The following ZNF723 variants were observed in gnomAD, a reference collection of about 807,000 sequenced individuals.
ZNF723 encodes the protein zinc finger protein 723, pseudogene.
ZNF723 carries 5 observed loss-of-function variants against 9.4 expected under a neutral mutation model. The observed-to-expected ratio is 0.53, with a 90% CI of 0.28 to 1.12. The LOEUF (loss-of-function observed/expected upper bound fraction) is 1.12, where lower values mean the gene tolerates loss of function less well. Ranked by LOEUF, ZNF723 falls within the 50% of genes most tolerant of loss-of-function variation. The pLI, the probability that ZNF723 is intolerant of heterozygous loss-of-function variation, is 0.10. For missense variants in ZNF723, 450 were observed against 501.5 expected (o/e 0.90, Z 0.98); for synonymous variants, 158 against 168.8 (o/e 0.94, Z 0.49).
chr19:22,856,622 C>T (rs1188527801), intron 3 of ZNF723, among the ~76,000 whole-genome samples: 1 of 152,178 alleles, frequency 6.6e-6, no homozygotes, highest in Non-Finnish European at 1.5e-5. Flanking sequence ...TTCTCTGCTG[C>T]TGTAACATTT....
chr19:22,842,795 T>C (rs1257931214), intron 1 of ZNF723, among the ~76,000 whole-genome samples: 1 of 152,156 alleles, frequency 6.6e-6, no homozygotes, highest in Admixed American at 6.6e-5. Flanking sequence ...TAAGGTCTGT[T>C]CTCTTCCTGG....
At chr19:22,822,990 T>C in the ZNF723 span, among the ~76,000 whole-genome samples, 14 of 152,190 alleles carry the variant, frequency 9.2e-5, no homozygotes, top group Admixed American at 7.9e-4. Context: ...ACAGTTGAAA[T>C]TGTGACTGTT....
At chr19:22,824,390 A>T in the ZNF723 span, among the ~76,000 whole-genome samples, 1 of 152,010 alleles carries the variant, frequency 6.6e-6, no homozygotes, top group African/African-American at 2.4e-5. Context: ...CCTAGCATCC[A>T]AGTGATGTGA....
At chr19:22,827,157 G>A in the ZNF723 span, among the ~76,000 whole-genome samples, 2 of 152,286 alleles carry the variant, frequency 1.3e-5, no homozygotes, top group Admixed American at 6.5e-5. Flanking sequence ...TTACACAATA[G>A]GTATTAAATG....
At chr19:22,852,747 G>GGTATTGA (rs1435819525) in intron 3 of ZNF723, among the ~76,000 whole-genome samples, 2 of 152,044 alleles carry the variant, frequency 1.3e-5, no homozygotes, top group African/African-American at 4.8e-5. Flanking sequence ...ACAATGCTAT[G>GGTATTGA]CAACATATCC....
At chr19:22,845,130 A>G (rs1050254934) in intron 1 of ZNF723, among the ~76,000 whole-genome samples, 1 of 152,162 alleles carries the variant, frequency 6.6e-6, no homozygotes, top group African/African-American at 2.4e-5. Flanking sequence ...AAAACAAAAC[A>G]AAAACACTCA....
the ZNF723 span, among the ~76,000 whole-genome samples, chr19:22,826,221 T>TGTG: frequency 6.6e-6 from 1 of 152,220 alleles, no homozygotes; most frequent in South Asian, 2.1e-4. Context: ...ATAGGGGAAC[T>TGTG]GTGACATATT....
chr19:22,839,694 C>T (rs750564244), intron 1 of ZNF723, among the ~76,000 whole-genome samples: 4 of 152,096 alleles, frequency 2.6e-5, no homozygotes, highest in East Asian at 1.9e-4. Context: ...AGGCTGCTCT[C>T]GAACTCCCGG....
chr19:22,817,845 G>A, the ZNF723 span, among the ~76,000 whole-genome samples: 1 of 151,994 alleles, frequency 6.6e-6, no homozygotes, highest in Non-Finnish European at 1.5e-5. Context: ...GTCATATAAC[G>A]CCTTTGGGTG....
rs146522052 is a variant in ZNF723, at chr19:22,837,095, C to G, written c.3+4713C>G. Among the ~76,000 whole-genome samples, 3 of 151,836 alleles carry G rather than the reference C, an allele frequency of 2.0e-5. No individual in the cohort carries two copies. The South Asian group carries it at 6.2e-4, about 32-fold the overall frequency. ...ATCCCTTGAAGTCAGGAATTCAAGA[C>G]GAGCCTGGCCAACATGGTGAAACCC... On this transcript the variant is annotated intron_variant, in intron 1 of 3. Transcript: ENST00000600766.
the ZNF723 span, among the ~76,000 whole-genome samples, chr19:22,826,766 C>T: frequency 7.4e-3 from 1,130 of 152,132 alleles, 13 homozygotes; most frequent in African/African-American, 0.026. Flanking sequence ...AATGGCTCTA[C>T]GAACAACAGA....
At chr19:22,829,798 A>G (rs1278110539), upstream of ZNF723, among the ~76,000 whole-genome samples, 3 of 152,214 alleles carry the variant, frequency 2.0e-5, no homozygotes, top group Non-Finnish European at 4.4e-5. Flanking sequence ...TTCTTGTACC[A>G]GCCACATTGT....
At chr19:22,825,808 C>T in the ZNF723 span, among the ~76,000 whole-genome samples, 1 of 152,204 alleles carries the variant, frequency 6.6e-6, no homozygotes, top group African/African-American at 2.4e-5. Flanking sequence ...CAGTGCCCAA[C>T]ATTATGATAA....
chr19:22,822,724 T>C, the ZNF723 span, among the ~76,000 whole-genome samples: 1 of 152,016 alleles, frequency 6.6e-6, no homozygotes, highest in Non-Finnish European at 1.5e-5. Context: ...TAGCTGGGTG[T>C]GGTGGTGGGT....
intron 3 of ZNF723, among the ~76,000 whole-genome samples, chr19:22,851,438 C>T (rs1238013121): frequency 6.6e-6 from 1 of 152,070 alleles, no homozygotes; most frequent in Non-Finnish European, 1.5e-5. Context: ...TCCTAAAGTG[C>T]TGGGATTACA....
chr19:22,833,644 C>T (rs1463929219), intron 1 of ZNF723, among the ~76,000 whole-genome samples: 1 of 151,920 alleles, frequency 6.6e-6, no homozygotes, highest in Non-Finnish European at 1.5e-5. Flanking sequence ...GAGTCTCACT[C>T]TGTTGCCCAG....
chr19:22,817,545 TG>T, the ZNF723 span, among the ~76,000 whole-genome samples: 1 of 152,048 alleles, frequency 6.6e-6, no homozygotes, highest in Non-Finnish European at 1.5e-5. Context: ...GACATATTGC[TG>T]GGCCCAGCAC....
At chr19:22,850,098 A>G (rs1254865043) in intron 3 of ZNF723, among the ~76,000 whole-genome samples, 1 of 146,572 alleles carries the variant, frequency 6.8e-6, no homozygotes, top group Non-Finnish European at 1.5e-5. Context: ...TAAGTATGAC[A>G]TCCTCCTGGT....
intron 2 of ZNF723, among the ~76,000 whole-genome samples, chr19:22,848,733 A>T (rs201777583): frequency 3.2e-3 from 63 of 19,884 alleles, no homozygotes; most frequent in Non-Finnish European, 5.1e-3. Context: ...AAATTATTTT[A>T]TTTATTTATT....
Sources: allele counts gnomAD v4.1 joint callset (sites outside exome capture counted in the v4.1 genomes callset), GRCh38; gene constraint gnomAD v4.1.1; transcripts MANE v1.5; gene names NCBI Gene and HGNC (gene_info 2026-07-23, HGNC 2026-07-21).